VEPH1: variants seen among roughly 807,000 people sequenced by gnomAD.
VEPH1 encodes ventricular zone-expressed PH domain-containing protein homolog 1.
Under a neutral mutation model 85.2 loss-of-function variants are expected in VEPH1, and 80 were observed. That is an observed-to-expected ratio of 0.94 (90% CI 0.78 to 1.13). The LOEUF (loss-of-function observed/expected upper bound fraction) is 1.13, where lower values mean the gene tolerates loss of function less well. Ranked by LOEUF, VEPH1 falls within the 50% of genes most tolerant of loss-of-function variation. VEPH1 has a pLI of 0.00. For missense variants in VEPH1, 955 were observed against 980.5 expected, an observed-to-expected ratio of 0.97 and a Z score of 0.35; for synonymous variants, 297 against 348.0, an observed-to-expected ratio of 0.85 and a Z score of 1.63.
rs745992191 is a variant in VEPH1, at chr3:157,443,004, CAAAG to C, written c.530-14520_530-14517del. ...AATGTTGTGAAACTCCACTTGAAGC[CAAAG>C]AAAGAAACTCACACTTAAAACACAT... On this transcript the variant is annotated intron_variant, in intron 4 of 13. Coordinates refer to ENST00000362010, the MANE Select transcript of VEPH1 (RefSeq NM_001167912.2). 1.6e-5 allele frequency: 25 copies of C among 1,566,638 alleles called. No individual in the cohort carries two copies. The African/African-American group carries it at 3.0e-4, about 19-fold the overall frequency.
chr3:157,489,560 A>G (rs1035297546), intron 2 of VEPH1, among the ~76,000 whole-genome samples: 2 of 152,072 alleles, frequency 1.3e-5, no homozygotes, highest in Non-Finnish European at 2.9e-5. Context: ...TGTGCACCCT[A>G]TTTGAAATTT....
chr3:157,424,150 T>C (rs1560050478), intron 5 of VEPH1, among the ~76,000 whole-genome samples: 1 of 152,178 alleles, frequency 6.6e-6, no homozygotes, highest in Non-Finnish European at 1.5e-5. Flanking sequence ...ACTGTTCTCA[T>C]GGTAGAGAAT....
intron 6 of VEPH1, among the ~76,000 whole-genome samples, chr3:157,388,458 C>T (rs771324163): frequency 3.3e-5 from 5 of 152,162 alleles, no homozygotes; most frequent in Non-Finnish European, 5.9e-5. Context: ...AACTGCAAGC[C>T]TCTTGTCCCT....
intron 4 of VEPH1, among the ~76,000 whole-genome samples, chr3:157,446,179 AAT>A (rs369439707): frequency 2.0e-5 from 3 of 150,990 alleles, no homozygotes; most frequent in Non-Finnish European, 3.0e-5. Context: ...ATAAATATGT[AAT>A]ATATATATAT....
intron 9 of VEPH1, 142 bp downstream of exon 9, chr3:157,363,222 A>G: frequency 1.3e-6 from 1 of 775,890 alleles, no homozygotes; most frequent in Non-Finnish European, 1.9e-6. Flanking sequence ...AAAAAAACTA[A>G]CATAATGTAA....
chr3:157,408,726 T>G (rs1731317728), intron 6 of VEPH1, among the ~76,000 whole-genome samples: 1 of 152,136 alleles, frequency 6.6e-6, no homozygotes, highest in Non-Finnish European at 1.5e-5. Flanking sequence ...GAGGCAACAT[T>G]TGAGCTGGGT....
At chr3:157,478,526 G>A (rs1244220108) in intron 2 of VEPH1, among the ~76,000 whole-genome samples, 1 of 152,102 alleles carries the variant, frequency 6.6e-6, no homozygotes, top group African/African-American at 2.4e-5. Context: ...CAATAAAAGT[G>A]GAAGGTGCAA....
intron 12 of VEPH1, among the ~76,000 whole-genome samples, chr3:157,269,827 A>T (rs538559462): frequency 6.6e-6 from 1 of 151,614 alleles, no homozygotes; most frequent in African/African-American, 2.4e-5. Flanking sequence ...GAAAAATAAC[A>T]TGTGGAATGA....
chr3:157,383,905 A>G (rs1729029595), intron 6 of VEPH1, among the ~76,000 whole-genome samples: 1 of 152,036 alleles, frequency 6.6e-6, no homozygotes, highest in African/African-American at 2.4e-5. Context: ...TTTTTGCAAC[A>G]TAGACTCATT....
chr3:157,484,353 T>A (rs1359503920), intron 2 of VEPH1, among the ~76,000 whole-genome samples: 45 of 152,242 alleles, frequency 3.0e-4, no homozygotes, highest in Non-Finnish European at 2.8e-4. Flanking sequence ...GTACAGTGGC[T>A]CCTCAGAGGT....
chr3:157,409,348 A>T (rs1433359019), intron 6 of VEPH1, among the ~76,000 whole-genome samples: 1 of 152,168 alleles, frequency 6.6e-6, no homozygotes, highest in Non-Finnish European at 1.5e-5. Context: ...GAAATGGAGC[A>T]AATCCTGGCA....
At chr3:157,358,168 G>C (rs112736889) in intron 9 of VEPH1, among the ~76,000 whole-genome samples, 4 of 152,308 alleles carry the variant, frequency 2.6e-5, no homozygotes, top group African/African-American at 9.6e-5. Flanking sequence ...ATGTGTGGTA[G>C]GAGAAAGTAA....
rs189455186 is a variant in VEPH1 at position 157,413,135 on chromosome 3, A to G, written c.906+746T>C. ...CAAGGAAAAGCTCTCAGTCAATTAT[A>G]GATTTGTTTTTATTTTAATATATAA... On this transcript the variant is annotated intron_variant, in intron 6 of 13. Coordinates refer to ENST00000362010, the MANE Select transcript of VEPH1 (RefSeq NM_001167912.2). 5.0e-3 allele frequency among the ~76,000 whole-genome samples: 755 copies of G among 152,270 alleles called. 6 individuals carry two copies. Among genetic ancestry groups the G allele is most frequent in the South Asian group, 0.016 (75 of 4,828 alleles).
At chr3:157,497,944 T>G (rs1487400381) in intron 1 of VEPH1, among the ~76,000 whole-genome samples, 3 of 152,176 alleles carry the variant, frequency 2.0e-5, no homozygotes, top group Non-Finnish European at 4.4e-5. Flanking sequence ...AAGGGCTCTT[T>G]TGCACGTTTT....
At chr3:157,347,596 G>C (rs1276868994) in intron 9 of VEPH1, among the ~76,000 whole-genome samples, 1 of 152,206 alleles carries the variant, frequency 6.6e-6, no homozygotes, top group Non-Finnish European at 1.5e-5. Context: ...AGTGCAGCGG[G>C]GGAGTAGAGA....
At position 157,381,419 on chromosome 3, in the gene VEPH1, A is replaced by C. The variant is rs1037937249; in HGVS notation, c.907-43T>G. Reference sequence around the variant, plus strand: ...GAAAATAGGTTTATCTTTTAGAAGAAAATCATCCAGGCATGGTGGTCATGC... The same window carrying C: ...GAAAATAGGTTTATCTTTTAGAAGACAATCATCCAGGCATGGTGGTCATGC... On this transcript the variant is annotated intron_variant, in intron 6 of 13. Coordinates refer to ENST00000362010, the MANE Select transcript of VEPH1 (RefSeq NM_001167912.2). The C allele has an allele frequency of 8.1e-6, 13 of 1,602,196 alleles. No homozygotes were observed. In the African/African-American group the frequency reaches 1.6e-4, roughly 20 times the overall value.
intron 12 of VEPH1, among the ~76,000 whole-genome samples, chr3:157,273,909 T>C (rs955471340): frequency 5.3e-5 from 8 of 152,218 alleles, no homozygotes; most frequent in Non-Finnish European, 7.3e-5. Flanking sequence ...TTTATTATAA[T>C]AGATCACATG....
intron 2 of VEPH1, among the ~76,000 whole-genome samples, chr3:157,474,475 A>G (rs937241825): frequency 6.6e-6 from 1 of 152,202 alleles, no homozygotes; most frequent in African/African-American, 2.4e-5. Flanking sequence ...CCTATATTGT[A>G]TCAAGTGAGT....
At position 157,428,502 on chromosome 3, in the gene VEPH1, A is replaced by G. The variant is rs1179987410; in HGVS notation, c.530-14T>C. The G allele has an allele frequency of 9.3e-6, 15 of 1,611,802 alleles. No homozygotes were observed. Among genetic ancestry groups the G allele is most frequent in the Non-Finnish European group, 1.2e-5 (14 of 1,179,294 alleles). On this transcript the variant is annotated splice_polypyrimidine_tract_variant and intron_variant, in intron 4 of 13. Coordinates refer to ENST00000362010, the MANE Select transcript of VEPH1 (RefSeq NM_001167912.2). ...ACATGGTGTTACCTGTTGAGGGAACAATAAAGGGAATGATGACTTTATCAG... is the reference window on the plus strand; with the variant it reads ...ACATGGTGTTACCTGTTGAGGGAACGATAAAGGGAATGATGACTTTATCAG...
Sources: allele counts gnomAD v4.1 joint callset (sites outside exome capture counted in the v4.1 genomes callset), GRCh38; gene constraint gnomAD v4.1.1; transcripts MANE v1.5; gene names NCBI Gene and HGNC (gene_info 2026-07-23, HGNC 2026-07-21).